Variants in KANSL3 observed in about 807,000 individuals in gnomAD.
KANSL3 encodes KAT8 regulatory NSL complex subunit 3, also known as NSL complex protein NSL3.
KANSL3 carries 16 observed loss-of-function variants against 89.2 expected under a neutral mutation model. That is an observed-to-expected ratio of 0.18 (90% CI 0.12 to 0.27). The LOEUF (loss-of-function observed/expected upper bound fraction) is 0.27. KANSL3 is among the 10% of genes least tolerant of loss of function. KANSL3 has a pLI of 1.00. For synonymous variants in KANSL3, 385 were observed against 419.7 expected, an observed-to-expected ratio of 0.92 and a Z score of 1.01; for missense variants, 879 against 1,110.6, an observed-to-expected ratio of 0.79 and a Z score of 2.96.
At position 96,619,867 on chromosome 2, in the gene KANSL3, G is replaced by C; in HGVS notation, c.387-105C>G. On this transcript the variant is annotated intron_variant, in intron 3 of 20. Transcript: ENST00000431828. ...GCCATAGTTTTATGTCTCTGCTAGG[G>C]AACAGTAAAACGAAGTAGCTTAGTC... 4 of 920,550 alleles carry C rather than the reference G, an allele frequency of 4.3e-6. No individual in the cohort carries two copies. The Middle Eastern group carries it at 6.8e-4, about 156-fold the overall frequency. The allele number at this position is 920,550 out of a possible 1,614,324, so 57.0% of individuals were successfully genotyped here. A position where few individuals can be genotyped will look rare whatever the true frequency, so the allele number is the denominator to read the frequency against.
downstream of KANSL3, among the ~76,000 whole-genome samples, chr2:96,589,849 A>G (rs1348748806): frequency 3.3e-5 from 5 of 152,138 alleles, no homozygotes; most frequent in Admixed American, 3.3e-4. Context: ...TAGAATGGCT[A>G]AAATAAAAAA....
At chr2:96,584,727 T>TTG in the KANSL3 span, among the ~76,000 whole-genome samples, 1 of 152,172 alleles carries the variant, frequency 6.6e-6, no homozygotes, top group African/African-American at 2.4e-5. Context: ...TAGTATTTCA[T>TTG]TGTGTATATA....
Position 96,603,145 on chromosome 2 carries a change from CCTTT to C in KANSL3, c.2150-287_2150-284del, listed in dbSNP as rs557614958. 2.2e-3 allele frequency among the ~76,000 whole-genome samples: 335 copies of C among 152,262 alleles called. 3 individuals carry two copies. The highest frequency in any genetic ancestry group is 7.8e-3 in the African/African-American group (324 of 41,536). Reference sequence around the variant, plus strand: ...CCATTTTGAGAAATCCAAGTTTGTTCCTTTCTTTCCAGGGAAGAACTTTTTAAGC... The same window carrying C: ...CCATTTTGAGAAATCCAAGTTTGTTCCTTTCCAGGGAAGAACTTTTTAAGC... On this transcript the variant is annotated intron_variant, in intron 17 of 20. Transcript: ENST00000431828.
At chr2:96,615,595 A>G in intron 5 of KANSL3, 1 of 1,067,948 alleles carries the variant, frequency 9.4e-7, no homozygotes, top group Non-Finnish European at 1.3e-6. Flanking sequence ...TCAGAGAAAG[A>G]AAAAGGTTTT....
chr2:96,622,794 G>A (rs536160869), intron 3 of KANSL3, among the ~76,000 whole-genome samples: 1 of 152,226 alleles, frequency 6.6e-6, no homozygotes, highest in East Asian at 1.9e-4. Context: ...CCCTGCCCTT[G>A]CACACACAAC....
chr2:96,599,615 TGAA>T (rs1323862964), intron 20 of KANSL3: 1 of 179,298 alleles, frequency 5.6e-6, no homozygotes, highest in Non-Finnish European at 1.1e-5. Flanking sequence ...TGACATTCAA[TGAA>T]TGCTTCAATA....
At chr2:96,584,871 C>G in the KANSL3 span, among the ~76,000 whole-genome samples, 4 of 152,202 alleles carry the variant, frequency 2.6e-5, no homozygotes, top group African/African-American at 9.7e-5. Flanking sequence ...TCTTCTGAAG[C>G]TGTGTATGCC....
Position 96,604,879 on chromosome 2 carries a change from C to T in KANSL3, c.1934-16G>A, listed in dbSNP as rs1424503044. 6.3e-7 allele frequency: 1 copy of T among 1,576,568 alleles called. No homozygotes were observed. The highest frequency in any genetic ancestry group is 2.3e-5 in the East Asian group (1 of 43,078). On this transcript the variant is annotated splice_polypyrimidine_tract_variant and intron_variant, in intron 15 of 20. Transcript: ENST00000431828. ...CCACCTGCAGCTTCAAAACAGAAAA[C>T]CCCAAGGCCCCTGGTCAGTCCTATT...
Position 96,593,401 on chromosome 2 carries a change from A to T in KANSL3, c.*2210T>A, listed in dbSNP as rs918405582. On this transcript the variant is annotated 3_prime_UTR_variant, in exon 21 of 21. Coordinates refer to ENST00000431828, the MANE Select transcript of KANSL3 (RefSeq NM_001115016.3). ...TGATCCTTCCACATTTTCTATCAAT[A>T]ATATTGCCTTCTGAGGTTATGGATT... The T allele has an allele frequency of 4.5e-5, 20 of 444,792 alleles. No individual in the cohort carries two copies. The highest frequency in any genetic ancestry group is 6.8e-5 in the Non-Finnish European group (15 of 220,040). The allele number at this position is 444,792 out of a possible 1,614,324, so 27.6% of individuals were successfully genotyped here.
chr2:96,620,555 G>A (rs1305110579), intron 3 of KANSL3, among the ~76,000 whole-genome samples: 4 of 152,110 alleles, frequency 2.6e-5, no homozygotes, highest in African/African-American at 7.2e-5. Flanking sequence ...TTAGTGATAT[G>A]GAGCTTATTA....
chr2:96,590,576 A>G (rs1054407988), downstream of KANSL3, among the ~76,000 whole-genome samples: 36 of 151,192 alleles, frequency 2.4e-4, no homozygotes, highest in African/African-American at 8.2e-4. Flanking sequence ...GGTGTGAGCC[A>G]TCAGGCTGGG....
intron 2 of KANSL3, among the ~76,000 whole-genome samples, chr2:96,633,658 G>A (rs2073828700): frequency 1.3e-5 from 2 of 151,772 alleles, no homozygotes; most frequent in Non-Finnish European, 2.9e-5. Flanking sequence ...CTGAGCTCAG[G>A]AGTTTGCAAC....
At chr2:96,623,986 G>A (rs2071818545) in intron 3 of KANSL3, among the ~76,000 whole-genome samples, 1 of 152,226 alleles carries the variant, frequency 6.6e-6, no homozygotes, top group Non-Finnish European at 1.5e-5. Flanking sequence ...AGCAGTCTGA[G>A]GTTTCTTGGA....
chr2:96,617,816 C>G (rs1162547734), intron 5 of KANSL3, among the ~76,000 whole-genome samples: 1 of 151,814 alleles, frequency 6.6e-6, no homozygotes, highest in Non-Finnish European at 1.5e-5. Flanking sequence ...AACCCTATCT[C>G]TACTAAAAAT....
chr2:96,609,667 A>G, intron 11 of KANSL3, 105 bp from the exon 12 acceptor site: 1 of 1,078,924 alleles, frequency 9.3e-7, no homozygotes, highest in South Asian at 1.3e-5. Context: ...CTAGCCCCAG[A>G]AGGAGGGCCA....
the KANSL3 span, among the ~76,000 whole-genome samples, chr2:96,582,088 T>C: frequency 6.6e-6 from 1 of 152,214 alleles, no homozygotes; most frequent in African/African-American, 2.4e-5. Context: ...AACTTGTTTT[T>C]GTTTTAAAAG....
At chr2:96,635,897 G>T (rs2074166334) in intron 2 of KANSL3, among the ~76,000 whole-genome samples, 1 of 152,084 alleles carries the variant, frequency 6.6e-6, no homozygotes, top group Non-Finnish European at 1.5e-5. Context: ...AGGAGGCTGA[G>T]GCAGGAGAAT....
intron 18 of KANSL3, 150 bp downstream of exon 18, chr2:96,602,603 C>T (rs2067342404): frequency 3.0e-6 from 2 of 673,014 alleles, no homozygotes; most frequent in Non-Finnish European, 5.0e-6. Flanking sequence ...AAATGATAGA[C>T]CTTAACTTTT....
intron 10 of KANSL3, 88 bp from the exon 11 acceptor site, chr2:96,610,971 A>T (rs2068821964): frequency 1.3e-6 from 2 of 1,579,286 alleles, no homozygotes; most frequent in East Asian, 4.5e-5. Context: ...CAGCCATGCA[A>T]CTGCAGTCAG....
Sources: gnomAD v4.1 joint callset for allele counts (sites outside exome capture counted in the v4.1 genomes callset) on GRCh38, gnomAD v4.1.1 for gene constraint, MANE v1.5 for transcripts, NCBI Gene and HGNC (gene_info 2026-07-23, HGNC 2026-07-21) for gene names.